Variants in SGIP1 observed in about 807,000 individuals in gnomAD.
The protein encoded by SGIP1 is SH3-containing GRB2-like protein 3-interacting protein 1.
Under a neutral mutation model 107.5 loss-of-function variants are expected in SGIP1, and 38 were observed. The ratio of observed to expected loss-of-function variants is 0.35; its 90% confidence interval spans 0.27 to 0.46. The LOEUF is 0.46. Among genes scored for constraint, SGIP1 ranks in the 20% least tolerant of loss-of-function variants. The pLI is 1.00. For synonymous variants in SGIP1, 365 were observed against 366.1 expected, an observed-to-expected ratio of 1.00 and a Z score of 0.03; for missense variants, 929 against 1,019.5, an observed-to-expected ratio of 0.91 and a Z score of 1.21.
intron 1 of SGIP1, among the ~76,000 whole-genome samples, chr1:66,579,164 T>C (rs965994543): frequency 2.6e-5 from 4 of 152,190 alleles, no homozygotes; most frequent in Non-Finnish European, 5.9e-5. Flanking sequence ...ATTGTTGCTG[T>C]TTATTTTAAT....
At chr1:66,634,180 T>A (rs566427209) in intron 3 of SGIP1, 1 of 1,602,582 alleles carries the variant, frequency 6.2e-7, no homozygotes, top group East Asian at 2.2e-5. Context: ...TCTGCTTCTG[T>A]GTCTCTTCTT....
At chr1:66,551,349 C>G (rs757758096) in intron 1 of SGIP1, among the ~76,000 whole-genome samples, 5 of 152,196 alleles carry the variant, frequency 3.3e-5, no homozygotes, top group Middle Eastern at 3.4e-3. Flanking sequence ...CCACCTTTTG[C>G]TTAACAATCT....
chr1:66,619,438 C>G (rs963992959), intron 1 of SGIP1, among the ~76,000 whole-genome samples: 1 of 152,256 alleles, frequency 6.6e-6, no homozygotes, highest in Non-Finnish European at 1.5e-5. Context: ...GTGTTAGAAC[C>G]TGGCTTTGTC....
At chr1:66,565,747 T>G (rs185357188) in intron 1 of SGIP1, among the ~76,000 whole-genome samples, 23 of 152,136 alleles carry the variant, frequency 1.5e-4, no homozygotes, top group Non-Finnish European at 1.0e-4. Flanking sequence ...GCTTACACAT[T>G]TATTCAACAC....
intron 19 of SGIP1, among the ~76,000 whole-genome samples, chr1:66,720,147 A>G (rs140721807): frequency 6.6e-6 from 1 of 152,294 alleles, no homozygotes; most frequent in Admixed American, 6.5e-5. Flanking sequence ...CCCTGAAATT[A>G]TATTGTGTAT....
In SGIP1 at chr1:66,660,192, AAAG is replaced by A. The variant is rs1490483492; in HGVS notation, c.460-318_460-316del. Reference sequence around the variant, plus strand: ...GAAAGAAAGAAAGAAAGAAAGAAAGAAAGAAAGAAAGAAAGAAAGAAAGAGAAA... The same window carrying A: ...GAAAGAAAGAAAGAAAGAAAGAAAGAAAAGAAAGAAAGAAAGAAAGAGAAA... On this transcript the variant is annotated intron_variant, in intron 7 of 24. Transcript: ENST00000371037. The A allele has an allele frequency of 9.3e-6, 2 of 215,422 alleles. 1 individual carries two copies. Among genetic ancestry groups the A allele is most frequent in the Admixed American group, 1.6e-4 (2 of 12,378 alleles). 13.3% of individuals were successfully genotyped at this position (215,422 alleles called of 1,614,324 possible).
intron 17 of SGIP1, among the ~76,000 whole-genome samples, chr1:66,691,110 A>G (rs2089737332): frequency 6.6e-6 from 1 of 151,966 alleles, no homozygotes; most frequent in African/African-American, 2.4e-5. Flanking sequence ...GGGCTTTCCC[A>G]TTCCATTTTT....
intron 15 of SGIP1, among the ~76,000 whole-genome samples, chr1:66,687,264 A>G (rs2150064299): frequency 6.6e-6 from 1 of 151,898 alleles, no homozygotes; most frequent in African/African-American, 2.4e-5. Context: ...GGTTTTCACG[A>G]AGCTAAATAG....
Position 66,719,335 on chromosome 1 carries a change from G to A in SGIP1, c.1672G>A (p.Asp558Asn), listed in dbSNP as rs764326176. The A allele has an allele frequency of 5.6e-6, 9 of 1,613,464 alleles. No homozygotes were observed. Among genetic ancestry groups the A allele is most frequent in the Non-Finnish European group, 7.6e-6 (9 of 1,179,676 alleles). ...CAGCCCCCTAACCATGGGAGCTCAGGACACTCTCCCTGTTGCAGCAGCATT... is the reference window on the plus strand; with the variant it reads ...CAGCCCCCTAACCATGGGAGCTCAGAACACTCTCCCTGTTGCAGCAGCATT... ...GPSPLTMGAQ[D>N]TLPVAAAFTE... is the part of the protein sequence containing the mutation. Residue 558 changes from aspartate to asparagine, a missense_variant, in exon 19 of 25, where the codon GAC becomes AAC. By Grantham distance (23) the Asp-to-Asn change is conservative. Coordinates refer to ENST00000371037, the MANE Select transcript of SGIP1 (RefSeq NM_032291.4).
intron 18 of SGIP1, chr1:66,704,160 G>C (rs1322755768): frequency 6.6e-6 from 1 of 151,964 alleles, no homozygotes; most frequent in Non-Finnish European, 1.5e-5. Context: ...GTTTTACTTA[G>C]TTCTTGCCTG....
rs532569210 is a variant in SGIP1 at position 66,643,085 on chromosome 1, C to T, written c.283+221C>T. On this transcript the variant is annotated intron_variant, in intron 6 of 24. Coordinates refer to ENST00000371037, the MANE Select transcript of SGIP1 (RefSeq NM_032291.4). ...AAAAGAGAGAGGAGAAAGAGAAAAACGTGCTAAAAAAACGCTAATCCCTGA... is the reference window on the plus strand; with the variant it reads ...AAAAGAGAGAGGAGAAAGAGAAAAATGTGCTAAAAAAACGCTAATCCCTGA... Among the ~76,000 whole-genome samples the T allele has an allele frequency of 5.9e-4, 13 of 22,076 alleles. No homozygotes were observed. The African/African-American group carries it at 6.7e-3, about 11-fold the overall frequency. 14.5% of individuals were successfully genotyped at this position (22,076 alleles called of 152,430 possible).
At chr1:66,693,286 A>ATAAATAAAT (rs1557652698) in intron 17 of SGIP1, among the ~76,000 whole-genome samples, 1 of 150,694 alleles carries the variant, frequency 6.6e-6, no homozygotes, top group Non-Finnish European at 1.5e-5. Context: ...AAATAAATAA[A>ATAAATAAAT]AAACAGTAAT....
At chr1:66,574,439 C>T (rs2060783212) in intron 1 of SGIP1, among the ~76,000 whole-genome samples, 2 of 152,130 alleles carry the variant, frequency 1.3e-5, no homozygotes, top group Admixed American at 1.3e-4. Flanking sequence ...AACTCTTTGC[C>T]ATGTTTTATT....
At chr1:66,538,441 T>C (rs1487142576) in intron 1 of SGIP1, among the ~76,000 whole-genome samples, 4 of 152,144 alleles carry the variant, frequency 2.6e-5, no homozygotes, top group South Asian at 4.1e-4. Context: ...TAGATATATA[T>C]GTTCCCATCC....
intron 1 of SGIP1, among the ~76,000 whole-genome samples, chr1:66,586,253 AC>A (rs1366120652): frequency 7.2e-5 from 11 of 152,248 alleles, no homozygotes; most frequent in African/African-American, 2.2e-4. Context: ...TTTCTTGTAC[AC>A]ATTATATAGA....
intron 20 of SGIP1, among the ~76,000 whole-genome samples, chr1:66,730,535 C>T (rs1179352596): frequency 6.6e-6 from 1 of 152,166 alleles, no homozygotes; most frequent in Non-Finnish European, 1.5e-5. Flanking sequence ...GTCTTTTCCC[C>T]ATACCACTGC....
intron 1 of SGIP1, among the ~76,000 whole-genome samples, chr1:66,597,985 A>T (rs1265770633): frequency 3.3e-5 from 5 of 152,136 alleles, no homozygotes; most frequent in African/African-American, 1.2e-4. Context: ...AGTCCTATAT[A>T]GTTCAAGCAG....
intron 1 of SGIP1, among the ~76,000 whole-genome samples, chr1:66,589,204 A>ATGTGTGTGTGTGTGTGTG (rs1207408964): frequency 1.7e-5 from 1 of 57,472 alleles, no homozygotes; most frequent in Non-Finnish European, 3.5e-5. Flanking sequence ...ATATATATAT[A>ATGTGTGTGTGTGTGTGTG]TATATATATA....
chr1:66,685,203 A>G (rs542624324), intron 15 of SGIP1, among the ~76,000 whole-genome samples: 1 of 152,332 alleles, frequency 6.6e-6, no homozygotes, highest in Non-Finnish European at 1.5e-5. Flanking sequence ...AAGCATATTT[A>G]ATTGTATACC....
Sources: allele counts gnomAD v4.1 joint callset (sites outside exome capture counted in the v4.1 genomes callset), GRCh38; gene constraint gnomAD v4.1.1; transcripts MANE v1.5; gene names NCBI Gene and HGNC (gene_info 2026-07-23, HGNC 2026-07-21).